Variants in TTI1 observed in about 807,000 individuals in gnomAD.
The protein encoded by TTI1 is TELO2 interacting protein 1.
In TTI1, 52 loss-of-function variants were observed where a neutral mutation model predicts 85.4. That is an observed-to-expected ratio of 0.61 (90% confidence interval 0.49 to 0.77). The LOEUF (loss-of-function observed/expected upper bound fraction) is 0.77, where lower values mean the gene tolerates loss of function less well. Ranked by LOEUF, TTI1 falls within the 30% of genes least tolerant of loss-of-function variation. The pLI, the probability that TTI1 is intolerant of heterozygous loss-of-function variation, is 0.00. For synonymous variants in TTI1, 512 were observed against 503.9 expected (o/e 1.02, Z -0.22); for missense variants, 1,173 against 1,296.0 (o/e 0.91, Z 1.46).
chr20:38,030,528 AACACACACACACACAC>A (rs3038751), intron 1 of TTI1, among the ~76,000 whole-genome samples: 6 of 144,840 alleles, frequency 4.1e-5, no homozygotes, highest in Non-Finnish European at 9.1e-5. Context: ...CAGTATGTAA[AACACACACACACACAC>A]ACACACACAC....
chr20:37,989,988 CTTCT>C (rs1418248833), intron 7 of TTI1, among the ~76,000 whole-genome samples: 1 of 152,214 alleles, frequency 6.6e-6, no homozygotes, highest in Non-Finnish European at 1.5e-5. Context: ...GAAAGCCATG[CTTCT>C]TTCTGAAAAG....
intron 4 of TTI1, among the ~76,000 whole-genome samples, chr20:38,001,293 T>C (rs959004005): frequency 3.3e-5 from 5 of 152,250 alleles, no homozygotes; most frequent in African/African-American, 1.2e-4. Flanking sequence ...CTGATGAAGA[T>C]GCTAAGGCTC....
rs1326979816 is a variant in TTI1 at position 37,983,573 on chromosome 20, G to A, written c.3153C>T (p.Cys1051=). Residue 1051 remains cysteine (C), a synonymous_variant, in exon 8 of 8, where the codon TGC becomes TGT. Coordinates refer to ENST00000373447, the MANE Select transcript of TTI1 (RefSeq NM_001303457.2). ...GGTGGGGAGGTGTGAACTGCACGGG[G>A]CAGTAAAGCTCGTTCAGGAGGAACC... ...STWFLLNELY[C]PVQFTPPHPS... 6.3e-7 allele frequency: 1 copy of A among 1,592,592 alleles called. No individual in the cohort carries two copies. Among genetic ancestry groups the A allele is most frequent in the East Asian group, 2.3e-5 (1 of 44,160 alleles).
chr20:38,013,624 G>C lies in TTI1; in HGVS notation c.193C>G (p.Pro65Ala). The C allele has an allele frequency of 6.2e-7, 1 of 1,614,212 alleles. No individual in the cohort carries two copies. The highest frequency in any genetic ancestry group is 8.5e-7 in the Non-Finnish European group (1 of 1,180,036). Residue 65 changes from proline (P) to alanine (A), a missense_variant, in exon 2 of 8, where the codon CCC becomes GCC. Physicochemically the swap from Pro to Ala is conservative, Grantham distance 27. Coordinates refer to ENST00000373447, the MANE Select transcript of TTI1 (RefSeq NM_001303457.2). Reference protein sequence around the residue: ...PLRFTLKTPGPKRERLIQSVV... With the variant: ...PLRFTLKTPGAKRERLIQSVV... ...CTTTGGATCAAACGCTCTCTTTTGG[G>C]ACCTGGGGTCTTCAGGGTAAATCGC...
chr20:37,986,194 C>T (rs968926544), intron 7 of TTI1, among the ~76,000 whole-genome samples: 2 of 152,260 alleles, frequency 1.3e-5, no homozygotes, highest in Admixed American at 6.5e-5. Flanking sequence ...CAAGCTACAG[C>T]GTGGTGCTCT....
At chr20:38,029,725 T>A (rs1374438238) in intron 1 of TTI1, among the ~76,000 whole-genome samples, 1 of 152,142 alleles carries the variant, frequency 6.6e-6, no homozygotes, top group African/African-American at 2.4e-5. Context: ...CTTCCAAAAC[T>A]CATGTTGAAA....
intron 1 of TTI1, among the ~76,000 whole-genome samples, chr20:38,023,365 G>A (rs1250531137): frequency 1.3e-5 from 2 of 152,350 alleles, no homozygotes; most frequent in Admixed American, 1.3e-4. Flanking sequence ...CAGATCTACG[G>A]AATCAGAATC....
intron 2 of TTI1, among the ~76,000 whole-genome samples, chr20:38,010,643 T>A (rs1227731936): frequency 6.6e-6 from 1 of 151,728 alleles, no homozygotes. Context: ...GCTAATTTTT[T>A]TTTTTTTATT....
In TTI1 at chr20:38,012,053, C is replaced by T. The variant is rs377061379; in HGVS notation, c.1764G>A (p.Glu588=). 1 of 1,614,208 alleles carries T rather than the reference C, an allele frequency of 6.2e-7. No individual in the cohort carries two copies. Residue 588 remains glutamate, a synonymous_variant, in exon 2 of 8, where the codon GAG becomes GAA. Transcript: ENST00000373447. ...TEEMGEELMM[E]HPGLQAITSG... ...ACGTGATGGCTTGGAGGCCTGGGTG[C>T]TCCATCATCAGCTCCTCTCCCATTT...
At chr20:38,020,305 CAT>C (rs1380826754) in intron 1 of TTI1, among the ~76,000 whole-genome samples, 5 of 43,650 alleles carry the variant, frequency 1.1e-4, no homozygotes, top group Non-Finnish European at 1.6e-4. Flanking sequence ...CTTGGCTACT[CAT>C]ATGAAAAAAA....
intron 7 of TTI1, among the ~76,000 whole-genome samples, chr20:37,986,555 A>G (rs1331614416): frequency 1.3e-5 from 2 of 152,224 alleles, no homozygotes; most frequent in East Asian, 3.9e-4. Flanking sequence ...CCAGAATGGC[A>G]GGAATGCACG....
In TTI1 at chr20:38,002,608, A is replaced by G; in HGVS notation, c.2652+20T>C. On this transcript the variant is annotated intron_variant, in intron 4 of 7. Coordinates refer to ENST00000373447, the MANE Select transcript of TTI1 (RefSeq NM_001303457.2). ...TAGTCCTGCTACTCTGGGAATGCAG[A>G]GAAGCAGCTGCGCACTGACCTTCAG... 6.2e-7 allele frequency: 1 copy of G among 1,612,006 alleles called. No homozygotes were observed. Among genetic ancestry groups the G allele is most frequent in the Admixed American group, 1.7e-5 (1 of 59,998 alleles).
chr20:38,033,156 G>A (rs1043096803), intron 1 of TTI1, among the ~76,000 whole-genome samples: 2 of 152,154 alleles, frequency 1.3e-5, no homozygotes, highest in Non-Finnish European at 2.9e-5. Flanking sequence ...GAGAACGAGC[G>A]CCAGGGCGTG....
chr20:38,001,724 CTT>C (rs989403336), intron 4 of TTI1, among the ~76,000 whole-genome samples: 1 of 147,402 alleles, frequency 6.8e-6, no homozygotes. Context: ...GTTTCTCTCT[CTT>C]TTTTTTTTTG....
chr20:38,033,110 C>T (rs2073940528), intron 1 of TTI1, among the ~76,000 whole-genome samples: 1 of 152,106 alleles, frequency 6.6e-6, no homozygotes, highest in African/African-American at 2.4e-5. Context: ...TGAGTAGGAG[C>T]TCACCAGGTG....
Position 37,983,270 on chromosome 20 carries a change from A to G in TTI1, c.*186T>C. The G allele has an allele frequency of 1.7e-6, 1 of 605,940 alleles. No individual in the cohort carries two copies. 37.5% of individuals were successfully genotyped at this position (605,940 alleles called of 1,614,324 possible). A position where few individuals can be genotyped will look rare whatever the true frequency, so the allele number is the denominator to read the frequency against. On this transcript the variant is annotated 3_prime_UTR_variant, in exon 8 of 8. Transcript: ENST00000373447. ...CAACACAAGGTATGAAACATAAATA[A>G]TAGTCAGCTACTTTCCTTCAATCCA...
At chr20:38,021,934 A>G (rs1414828374) in intron 1 of TTI1, among the ~76,000 whole-genome samples, 1 of 152,212 alleles carries the variant, frequency 6.6e-6, no homozygotes, top group East Asian at 1.9e-4. Flanking sequence ...TCAAGAAGTG[A>G]AAAAGGGAGG....
intron 1 of TTI1, among the ~76,000 whole-genome samples, chr20:38,029,832 C>T (rs2073882988): frequency 6.6e-6 from 1 of 152,074 alleles, no homozygotes; most frequent in Admixed American, 6.5e-5. Context: ...AAGAGCAAAA[C>T]AGACCTCAGC....
At chr20:38,014,940 G>A (rs965631508) in intron 1 of TTI1, among the ~76,000 whole-genome samples, 15 of 152,210 alleles carry the variant, frequency 9.9e-5, no homozygotes, top group African/African-American at 3.6e-4. Flanking sequence ...ACTGAGCTGA[G>A]TTGGAGACCA....
Sources: allele counts gnomAD v4.1 joint callset (sites outside exome capture counted in the v4.1 genomes callset), GRCh38; gene constraint gnomAD v4.1.1; transcripts MANE v1.5; gene names NCBI Gene and HGNC (gene_info 2026-07-23, HGNC 2026-07-21).